Variants in RPS6KC1 observed in about 807,000 individuals in gnomAD.
RPS6KC1 encodes ribosomal protein S6 kinase C1, also known as inactive ribosomal protein S6 kinase delta-1.
In RPS6KC1, 54 loss-of-function variants were observed where a neutral mutation model predicts 103.8. The observed-to-expected ratio is 0.52, with a 90% CI of 0.42 to 0.65. The LOEUF (loss-of-function observed/expected upper bound fraction) is 0.65, where lower values mean the gene tolerates loss of function less well. Ranked by LOEUF, RPS6KC1 falls within the 30% of genes least tolerant of loss-of-function variation. RPS6KC1 has a pLI of 0.00. For synonymous variants in RPS6KC1, 439 were observed against 438.7 expected (o/e 1.00, Z -0.01); for missense variants, 1,151 against 1,253.8 (o/e 0.92, Z 1.24).
rs150727119 is a variant in RPS6KC1 at position 213,129,822 on chromosome 1, A to C, written c.768A>C (p.Glu256Asp). 3.5e-4 allele frequency: 557 copies of C among 1,613,236 alleles called. 1 individual carries two copies. The highest frequency in any genetic ancestry group is 1.9e-3 in the Admixed American group (115 of 59,790). Residue 256 changes from glutamate to aspartate, a missense_variant, in exon 6 of 15, where the codon GAA (glutamate) becomes GAC (aspartate). Transcript: ENST00000366960. ...LIKLALKKEE[E>D]DDYEAASDFY... ...AGCTGGCTTTAAAAAAGGAAGAAGAAGACGACTATGAAGCTGCTTCTGATT... is the reference window on the plus strand; with the variant it reads ...AGCTGGCTTTAAAAAAGGAAGAAGACGACGACTATGAAGCTGCTTCTGATT...
chr1:213,604,469 T>A, the RPS6KC1 span, among the ~76,000 whole-genome samples: 1 of 152,254 alleles, frequency 6.6e-6, no homozygotes, highest in Non-Finnish European at 1.5e-5. Context: ...CCCTTGTGGT[T>A]TGGTGCCTGT....
Position 213,129,891 on chromosome 1 carries a change from T to C in RPS6KC1, c.835+2T>C. ...ATTTACTCCTAGAAGGTGTTCAAGG[T>C]ATGGTTTTATGTATATTATGTTTTG... On this transcript the variant is annotated splice_donor_variant, in intron 6 of 14. Transcript: ENST00000366960. LOFTEE classifies it high-confidence loss of function. 1 of 1,584,406 alleles carries C rather than the reference T, an allele frequency of 6.3e-7. No homozygotes were observed. Among genetic ancestry groups the C allele is most frequent in the Non-Finnish European group, 8.5e-7 (1 of 1,172,292 alleles).
At chr1:213,480,067 T>C in the RPS6KC1 span, among the ~76,000 whole-genome samples, 1 of 152,064 alleles carries the variant, frequency 6.6e-6, no homozygotes, top group Non-Finnish European at 1.5e-5. Context: ...GTTCTTTTTC[T>C]GAAATATCTT....
the RPS6KC1 span, among the ~76,000 whole-genome samples, chr1:213,701,232 C>G: frequency 5.8e-5 from 6 of 103,184 alleles, no homozygotes; most frequent in African/African-American, 1.8e-4. Context: ...CCTTCTATAC[C>G]CTATTTTTTG....
the RPS6KC1 span, among the ~76,000 whole-genome samples, chr1:213,779,620 A>T: frequency 6.6e-6 from 1 of 152,216 alleles, no homozygotes; most frequent in African/African-American, 2.4e-5. Context: ...GCTGAGTTGC[A>T]TCATGGCTAG....
chr1:213,195,421 T>TA (rs1199784125), intron 8 of RPS6KC1, among the ~76,000 whole-genome samples: 1 of 152,112 alleles, frequency 6.6e-6, no homozygotes, highest in Non-Finnish European at 1.5e-5. Flanking sequence ...ATTTCTGAAA[T>TA]AAAAAGTTTT....
intron 4 of RPS6KC1, among the ~76,000 whole-genome samples, chr1:213,108,403 A>G (rs977855303): frequency 2.0e-5 from 3 of 152,116 alleles, no homozygotes; most frequent in African/African-American, 7.2e-5. Context: ...TGTAATTATA[A>G]TGGCTTATTT....
At chr1:213,462,371 C>G in the RPS6KC1 span, among the ~76,000 whole-genome samples, 1 of 152,126 alleles carries the variant, frequency 6.6e-6, no homozygotes, top group Non-Finnish European at 1.5e-5. Context: ...GGATCTAGAA[C>G]CAGAAATACC....
the RPS6KC1 span, among the ~76,000 whole-genome samples, chr1:213,789,844 A>G: frequency 1.3e-5 from 2 of 152,200 alleles, no homozygotes; most frequent in African/African-American, 4.8e-5. Context: ...TGTACTGGAG[A>G]CTTTTGAATA....
At chr1:213,502,677 A>G in the RPS6KC1 span, among the ~76,000 whole-genome samples, 295 of 152,270 alleles carry the variant, frequency 1.9e-3, no homozygotes, top group African/African-American at 6.6e-3. Flanking sequence ...TAATATTTTC[A>G]TGTGGCAAAA....
At chr1:213,363,714 CTT>C in the RPS6KC1 span, among the ~76,000 whole-genome samples, 8 of 111,286 alleles carry the variant, frequency 7.2e-5, no homozygotes, top group East Asian at 4.3e-4. Context: ...TTCTTTCTTT[CTT>C]TCTTTCTTTC....
chr1:213,414,270 A>T, the RPS6KC1 span, among the ~76,000 whole-genome samples: 1 of 152,202 alleles, frequency 6.6e-6, no homozygotes, highest in Non-Finnish European at 1.5e-5. Flanking sequence ...AGATGAGTGG[A>T]TTGAATAGTG....
chr1:213,678,010 A>AC, the RPS6KC1 span, among the ~76,000 whole-genome samples: 1 of 152,118 alleles, frequency 6.6e-6, no homozygotes, highest in African/African-American at 2.4e-5. Context: ...TGTCTCAAAA[A>AC]AAAAAAAAAG....
the RPS6KC1 span, among the ~76,000 whole-genome samples, chr1:213,832,913 C>T: frequency 6.6e-6 from 1 of 152,124 alleles, no homozygotes; most frequent in African/African-American, 2.4e-5. Flanking sequence ...ACCTCCCCTT[C>T]CTGTGAACTC....
the RPS6KC1 span, among the ~76,000 whole-genome samples, chr1:213,541,037 C>T: frequency 4.2e-4 from 64 of 151,838 alleles, no homozygotes; most frequent in South Asian, 7.3e-3. Flanking sequence ...CTACCACATC[C>T]GCAGGTCCTT....
the RPS6KC1 span, among the ~76,000 whole-genome samples, chr1:213,444,487 C>T: frequency 3.3e-5 from 5 of 152,152 alleles, no homozygotes; most frequent in African/African-American, 1.2e-4. Flanking sequence ...GCATATGCCT[C>T]AGGTGCAAAA....
At chr1:213,641,620 T>A in the RPS6KC1 span, among the ~76,000 whole-genome samples, 1 of 152,022 alleles carries the variant, frequency 6.6e-6, no homozygotes, top group Non-Finnish European at 1.5e-5. Context: ...TAGGATTAAA[T>A]CCAAGCATGT....
the RPS6KC1 span, among the ~76,000 whole-genome samples, chr1:213,593,582 T>C: frequency 6.6e-6 from 1 of 152,148 alleles, no homozygotes; most frequent in Non-Finnish European, 1.5e-5. Flanking sequence ...AACAGTGAAC[T>C]GTCAGGAAGG....
chr1:213,667,777 C>G, the RPS6KC1 span, among the ~76,000 whole-genome samples: 1 of 152,164 alleles, frequency 6.6e-6, no homozygotes, highest in African/African-American at 2.4e-5. Context: ...GCTGTATTGC[C>G]TATAATAAGT....
Sources: allele counts gnomAD v4.1 joint callset (sites outside exome capture counted in the v4.1 genomes callset), GRCh38; gene constraint gnomAD v4.1.1; transcripts MANE v1.5; gene names NCBI Gene and HGNC (gene_info 2026-07-23, HGNC 2026-07-21).